FRMPD1: variants seen among roughly 807,000 people sequenced by gnomAD.
FRMPD1 encodes FERM and PDZ domain containing 1.
A neutral mutation model predicts 117.8 loss-of-function variants in FRMPD1; 76 were observed. The ratio of observed to expected loss-of-function variants is 0.65; its 90% CI spans 0.54 to 0.78. The LOEUF is 0.78. Among genes scored for constraint, FRMPD1 ranks in the 30% least tolerant of loss-of-function variants. The pLI is 0.00. For synonymous variants in FRMPD1, 783 were observed against 770.4 expected (o/e 1.02, Z -0.27); for missense variants, 1,786 against 1,964.5 (o/e 0.91, Z 1.72).
At chr9:37,727,168 C>G (rs1239348937) in intron 7 of FRMPD1, among the ~76,000 whole-genome samples, 1 of 152,012 alleles carries the variant, frequency 6.6e-6, no homozygotes, top group African/African-American at 2.4e-5. Context: ...GAATATTAAG[C>G]TAAGGAGTTT....
At chr9:37,699,064 A>G (rs1822438187) in intron 2 of FRMPD1, among the ~76,000 whole-genome samples, 1 of 151,848 alleles carries the variant, frequency 6.6e-6, no homozygotes. Context: ...TAGTAGAGGC[A>G]GTGTTTCATG....
intron 1 of FRMPD1, among the ~76,000 whole-genome samples, chr9:37,688,555 C>T (rs1822027214): frequency 6.6e-6 from 1 of 151,892 alleles, no homozygotes; most frequent in Non-Finnish European, 1.5e-5. Context: ...GAATTTATCC[C>T]CCCAAAAATA....
chr9:37,687,104 A>C (rs139850408), intron 1 of FRMPD1, among the ~76,000 whole-genome samples: 3 of 152,168 alleles, frequency 2.0e-5, no homozygotes, highest in Non-Finnish European at 4.4e-5. Context: ...CATGCAGTTT[A>C]TGCAGGCTCC....
chr9:37,694,423 A>T (rs537346797), intron 2 of FRMPD1, among the ~76,000 whole-genome samples: 1 of 152,356 alleles, frequency 6.6e-6, no homozygotes, highest in African/African-American at 2.4e-5. Flanking sequence ...CTGTAAATGA[A>T]AGGTGACAAC....
At chr9:37,734,518 G>T (rs1041484732) in intron 12 of FRMPD1, among the ~76,000 whole-genome samples, 4 of 151,920 alleles carry the variant, frequency 2.6e-5, no homozygotes, top group Non-Finnish European at 5.9e-5. Context: ...TCGGGGGTAT[G>T]GTTTCAGAGA....
the FRMPD1 span, among the ~76,000 whole-genome samples, chr9:37,615,964 C>CA: frequency 6.6e-6 from 1 of 151,852 alleles, no homozygotes; most frequent in South Asian, 2.1e-4. Context: ...AGGCACCCAC[C>CA]ATCATGCCCA....
chr9:37,688,790 A>T (rs1338365119), intron 1 of FRMPD1, among the ~76,000 whole-genome samples: 1 of 152,104 alleles, frequency 6.6e-6, no homozygotes. Context: ...TGTAATTTTA[A>T]TTAAGAAACA....
chr9:37,637,271 A>T, the FRMPD1 span: 1 of 1,592,610 alleles, frequency 6.3e-7, no homozygotes, highest in Non-Finnish European at 8.6e-7. Flanking sequence ...CAGCTTAAAC[A>T]GGCAGTCATA....
chr9:37,731,198 T>A, intron 9 of FRMPD1, 95 bp downstream of exon 9: 1 of 1,067,848 alleles, frequency 9.4e-7, no homozygotes, highest in Non-Finnish European at 1.4e-6. Context: ...ATTAAACAAC[T>A]CCCTGGTAGG....
intron 1 of FRMPD1, among the ~76,000 whole-genome samples, chr9:37,670,383 A>G (rs1397682531): frequency 1.3e-5 from 2 of 152,186 alleles, no homozygotes; most frequent in African/African-American, 4.8e-5. Flanking sequence ...GGTAGAAAGC[A>G]TGTATGAGGG....
intron 2 of FRMPD1, among the ~76,000 whole-genome samples, chr9:37,704,063 C>G (rs947394364): frequency 6.6e-6 from 1 of 152,172 alleles, no homozygotes; most frequent in Non-Finnish European, 1.5e-5. Flanking sequence ...CATGTTTAGT[C>G]TTTTAAGAAA....
chr9:37,732,497 G>A lies in FRMPD1; in HGVS notation c.995+57G>A, dbSNP rs1022292360. ...TTTATAACTTGCTGGCCCCTGGCCAGGAGGGCCAGATGCCACAGAAAGCTG... is the reference window on the plus strand; with the variant it reads ...TTTATAACTTGCTGGCCCCTGGCCAAGAGGGCCAGATGCCACAGAAAGCTG... On this transcript the variant is annotated intron_variant, in intron 10 of 15. Coordinates refer to ENST00000377765, the MANE Select transcript of FRMPD1 (RefSeq NM_014907.3). The A allele has an allele frequency of 5.2e-6, 8 of 1,525,024 alleles. No homozygotes were observed. The Admixed American group carries it at 1.7e-4, about 32-fold the overall frequency. 94.5% of individuals were successfully genotyped at this position (1,525,024 alleles called of 1,614,324 possible). A position where few individuals can be genotyped will look rare whatever the true frequency, so the allele number is the denominator to read the frequency against.
At chr9:37,646,590 AT>A (rs1824145165), upstream of FRMPD1, among the ~76,000 whole-genome samples, 1 of 152,252 alleles carries the variant, frequency 6.6e-6, no homozygotes, top group South Asian at 2.1e-4. Context: ...AACAAAATAA[AT>A]ATTTCTAACA....
intron 5 of FRMPD1, among the ~76,000 whole-genome samples, chr9:37,712,080 A>G (rs1369964622): frequency 6.6e-6 from 1 of 152,226 alleles, no homozygotes; most frequent in Non-Finnish European, 1.5e-5. Context: ...AAAGAGGGGC[A>G]TAGAGAATTT....
chr9:37,652,931 A>C (rs971917077), intron 1 of FRMPD1, among the ~76,000 whole-genome samples: 4 of 152,172 alleles, frequency 2.6e-5, no homozygotes, highest in Non-Finnish European at 5.9e-5. Context: ...AAGGCTTTAC[A>C]ATGGAAGGTG....
intron 1 of FRMPD1, among the ~76,000 whole-genome samples, chr9:37,653,787 T>C (rs1432780390): frequency 6.6e-6 from 1 of 152,118 alleles, no homozygotes; most frequent in Non-Finnish European, 1.5e-5. Flanking sequence ...AGACCCCATC[T>C]CTACAAAAAA....
In FRMPD1 at chr9:37,727,754, GA is replaced by G. The variant is rs1480436502; in HGVS notation, c.613-1973del. On this transcript the variant is annotated intron_variant, in intron 7 of 15. Coordinates refer to ENST00000377765, the MANE Select transcript of FRMPD1 (RefSeq NM_014907.3). ...GAGAGGGCTCCGAATCAGGAGTCAT[GA>G]GGAGGGAGGAAATGGACCCTTCAGG... is the stretch of plus-strand genomic sequence containing the variant. Among the ~76,000 whole-genome samples the G allele has an allele frequency of 3.3e-5, 5 of 152,144 alleles. No individual in the cohort carries two copies. The East Asian group carries it at 9.7e-4, about 30-fold the overall frequency.
At chr9:37,661,464 T>C (rs1178459369) in intron 1 of FRMPD1, among the ~76,000 whole-genome samples, 1 of 152,232 alleles carries the variant, frequency 6.6e-6, no homozygotes, top group Non-Finnish European at 1.5e-5. Context: ...TTTTATGTTA[T>C]CTGAAGGGCT....
At chr9:37,735,811 A>G (rs987272948) in intron 13 of FRMPD1, 77 bp downstream of exon 13, 34 of 915,006 alleles carry the variant, frequency 3.7e-5, no homozygotes, top group Non-Finnish European at 5.5e-5. Flanking sequence ...GTTTATATGA[A>G]TTTTAAATAA....
Sources: allele counts gnomAD v4.1 joint callset (sites outside exome capture counted in the v4.1 genomes callset), GRCh38; gene constraint gnomAD v4.1.1; transcripts MANE v1.5; gene names NCBI Gene and HGNC (gene_info 2026-07-23, HGNC 2026-07-21).